Variants in NEU4 observed in about 807,000 individuals in gnomAD.
The protein encoded by NEU4 is sialidase-4.
A neutral mutation model predicts 9.9 loss-of-function variants in NEU4; 7 were observed. The ratio of observed to expected loss-of-function variants is 0.71; its 90% CI spans 0.40 to 1.33. The LOEUF is 1.33. Ranked by LOEUF, NEU4 falls within the 40% of genes most tolerant of loss-of-function variation. NEU4 has a pLI of 0.01. For synonymous variants in NEU4, 348 were observed against 316.9 expected (o/e 1.10, Z -1.04); for missense variants, 717 against 712.6 (o/e 1.01, Z -0.07).
In NEU4 at chr2:241,816,515, C is replaced by T; in HGVS notation, c.922C>T (p.Leu308Phe). 4 of 1,611,506 alleles carry T rather than the reference C, an allele frequency of 2.5e-6. No homozygotes were observed. In the South Asian group the frequency reaches 3.3e-5, roughly 13 times the overall value. The change falls in exon 4 of 4, where the codon CTC becomes TTC. Residue 308 changes from leucine to phenylalanine, a missense_variant. By Grantham distance (22) the Leu-to-Phe change is conservative. Transcript: ENST00000407683. ...CCCCGGGAGTCCCCTCCAGCCTCCA[C>T]TCCTCGGTCCTGGAGTCCACGAACC... is the stretch of plus-strand genomic sequence containing the variant. ...VGPGSPLQPPLLGPGVHEPPE... is the reference protein window; with the variant it reads ...VGPGSPLQPPFLGPGVHEPPE...
chr2:241,815,559 G>A (rs1472026985), intron 3 of NEU4: 2 of 505,952 alleles, frequency 4.0e-6, no homozygotes, highest in Non-Finnish European at 7.9e-6. Flanking sequence ...GCTGGACGCT[G>A]AGGTGTCTCT....
At chr2:241,814,144 G>T (rs969989135) in intron 1 of NEU4, 2 of 624,642 alleles carry the variant, frequency 3.2e-6, no homozygotes, top group East Asian at 3.5e-5. Flanking sequence ...CACATGGCTG[G>T]CAGGGTCCCG....
At chr2:241,813,335 C>T (rs968922350) in intron 1 of NEU4, 4 of 1,052,794 alleles carry the variant, frequency 3.8e-6, no homozygotes, top group Non-Finnish European at 4.6e-6. Flanking sequence ...TCCCTTAGCC[C>T]CGCATCCAGG....
In NEU4 at chr2:241,816,976, G is replaced by A. The variant is rs1262165584; in HGVS notation, c.1383G>A (p.Leu461=). The part of the protein sequence containing the change: ...SFCTFSLREV[L]ENVPASPKPP... ...GTACATTCTCCCTGCGTGAGGTCCT[G>A]GAGAACGTGCCCGCCAGCCCCAAAC... is the stretch of plus-strand genomic sequence containing the variant. Residue 461 remains leucine (L), a synonymous_variant, in exon 4 of 4, where the codon CTG becomes CTA. Transcript: ENST00000407683. 1 of 1,611,678 alleles carries A rather than the reference G, an allele frequency of 6.2e-7. No homozygotes were observed. Among genetic ancestry groups the A allele is most frequent in the Admixed American group, 1.7e-5 (1 of 59,870 alleles).
At chr2:241,814,237 G>T (rs1204431123) in intron 1 of NEU4, 1 of 636,986 alleles carries the variant, frequency 1.6e-6, no homozygotes, top group Admixed American at 2.5e-5. Flanking sequence ...GTTGAGAGGG[G>T]AAGGGGCTGA....
intron 3 of NEU4, chr2:241,815,608 C>T: frequency 2.0e-6 from 1 of 504,648 alleles, no homozygotes; most frequent in Non-Finnish European, 4.0e-6. Context: ...CCACCCCTTC[C>T]TCTTATTCTT....
intron 1 of NEU4, chr2:241,813,397 A>G: frequency 9.2e-7 from 1 of 1,082,560 alleles, no homozygotes; most frequent in Non-Finnish European, 1.1e-6. Context: ...CCGCTCCTGC[A>G]TGGTGGAGGA....
chr2:241,815,242 CT>C lies in NEU4; in HGVS notation c.457+96del, dbSNP rs1164345649. ...GGGAAATTGCCATTCTGCCCCACCC[CT>C]GTCTCCAGCCACAAGGGAACCAACC... On this transcript the variant is annotated intron_variant, in intron 3 of 3. Transcript: ENST00000407683. The C allele has an allele frequency of 4.3e-6, 6 of 1,394,326 alleles. No homozygotes were observed. In the African/African-American group the frequency reaches 8.6e-5, roughly 20 times the overall value. The allele number at this position is 1,394,326 out of a possible 1,614,324, so 86.4% of individuals were successfully genotyped here. A position where few individuals can be genotyped will look rare whatever the true frequency, so the allele number is the denominator to read the frequency against.
intron 1 of NEU4, 53 bp downstream of exon 1, chr2:241,809,327 G>A (rs879179235): frequency 7.0e-5 from 77 of 1,100,198 alleles, no homozygotes; most frequent in Non-Finnish European, 9.0e-5. Flanking sequence ...GTAAAACTGT[G>A]TGTAGTTTGC....
chr2:241,813,405 G>A (rs1037600151), intron 1 of NEU4: 2 of 1,090,766 alleles, frequency 1.8e-6, no homozygotes, highest in Non-Finnish European at 1.1e-6. Flanking sequence ...GCATGGTGGA[G>A]GACCAGCGTT....
intron 1 of NEU4, chr2:241,811,024 G>A: frequency 9.5e-7 from 1 of 1,055,068 alleles, no homozygotes; most frequent in Non-Finnish European, 1.1e-6. Flanking sequence ...TGCCAGGGGA[G>A]GCCCCGCACC....
At chr2:241,815,676 A>G (rs1272460096) in intron 3 of NEU4, 3 of 499,932 alleles carry the variant, frequency 6.0e-6, no homozygotes, top group African/African-American at 5.9e-5. Context: ...CTTTCCCTCC[A>G]CCCCATCCTC....
At chr2:241,812,706 G>A (rs1188810196) in intron 1 of NEU4, among the ~76,000 whole-genome samples, 3 of 144,676 alleles carry the variant, frequency 2.1e-5, no homozygotes, top group Non-Finnish European at 4.5e-5. Flanking sequence ...GAAGCCCCAA[G>A]CCAAGTGTGT....
intron 1 of NEU4, chr2:241,811,383 A>G: frequency 6.7e-7 from 1 of 1,500,938 alleles, no homozygotes; most frequent in Non-Finnish European, 9.0e-7. Flanking sequence ...TGCTGCCCGC[A>G]CAGTGGGCCC....
In NEU4 at chr2:241,816,760, G is replaced by A; in HGVS notation, c.1167G>A (p.Arg389=). The change falls in exon 4 of 4, where the codon CGG becomes CGA. Residue 389 remains arginine, a synonymous_variant. Coordinates refer to ENST00000407683, the MANE Select transcript of NEU4 (RefSeq NM_001167600.3). ...LYSHPVGRRA[R]LHMGIRLSQS... ...CCCACCCAGTGGGGCGCAGGGCTCGGCTACACATGGGTATCCGCCTGAGCC... is the reference window on the plus strand; with the variant it reads ...CCCACCCAGTGGGGCGCAGGGCTCGACTACACATGGGTATCCGCCTGAGCC... The A allele has an allele frequency of 1.3e-6, 2 of 1,577,970 alleles. No individual in the cohort carries two copies. The highest frequency in any genetic ancestry group is 1.7e-6 in the Non-Finnish European group (2 of 1,163,150).
intron 1 of NEU4, among the ~76,000 whole-genome samples, chr2:241,812,872 C>T (rs114907581): frequency 0.031 from 4,709 of 152,272 alleles, 120 homozygotes; most frequent in Non-Finnish European, 0.046. Context: ...TCCTGTGGTC[C>T]GGGCCTTGGG....
intron 3 of NEU4, chr2:241,815,750 C>T: frequency 1.7e-6 from 1 of 575,456 alleles, no homozygotes; most frequent in Non-Finnish European, 3.1e-6. Context: ...CATGGCCAAC[C>T]CAGGGACCCC....
chr2:241,814,636 C>A lies in NEU4; in HGVS notation c.152C>A (p.Ala51Asp). ...EQRLSPDDSH[A>D]HRLVLRRGTL... ...CGGCTCAGCCCTGACGACTCCCACG[C>A]CCACCGCCTGGTGCTGAGGAGGGGC... Residue 51 changes from alanine to aspartate, a missense_variant, in exon 2 of 4, where the codon GCC becomes GAC. Coordinates refer to ENST00000407683, the MANE Select transcript of NEU4 (RefSeq NM_001167600.3). 6.3e-7 allele frequency: 1 copy of A among 1,592,722 alleles called. No individual in the cohort carries two copies. Among genetic ancestry groups the A allele is most frequent in the Non-Finnish European group, 8.5e-7 (1 of 1,170,884 alleles).
intron 1 of NEU4, chr2:241,810,463 C>T (rs1201888586): frequency 6.6e-6 from 1 of 152,276 alleles, no homozygotes; most frequent in Non-Finnish European, 1.5e-5. Context: ...ACCACGTGAC[C>T]TACCTGTTTC....
Sources: allele counts gnomAD v4.1 joint callset (sites outside exome capture counted in the v4.1 genomes callset), GRCh38; gene constraint gnomAD v4.1.1; transcripts MANE v1.5; gene names NCBI Gene and HGNC (gene_info 2026-07-23, HGNC 2026-07-21).